Variants in VPS53 observed in about 807,000 individuals in gnomAD.
VPS53 encodes the protein vacuolar protein sorting-associated protein 53 homolog.
A neutral mutation model predicts 107.0 loss-of-function variants in VPS53; 70 were observed. That is an observed-to-expected ratio of 0.65 (90% CI 0.54 to 0.80). The LOEUF (loss-of-function observed/expected upper bound fraction) is 0.80. VPS53 is among the 30% of genes least tolerant of loss of function. The pLI, the probability that VPS53 is intolerant of heterozygous loss-of-function variation, is 0.00. For synonymous variants in VPS53, 409 were observed against 393.3 expected (o/e 1.04, Z -0.47); for missense variants, 917 against 1,049.4 (o/e 0.87, Z 1.74).
Position 513,622 on chromosome 17 carries a change from AAGGAAT to A in VPS53, c.*5500_*5505del. 6.9e-6 allele frequency: 1 copy of A among 144,174 alleles called. No homozygotes were observed. The highest frequency in any genetic ancestry group is 2.6e-5 in the African/African-American group (1 of 39,150). The allele number at this position is 144,174 out of a possible 1,614,324, so 8.9% of individuals were successfully genotyped here. On this transcript the variant is annotated 3_prime_UTR_variant, in exon 22 of 22. Transcript: ENST00000437048. ...GTTGTTCTGAGTGCTCTTCCTAGCG[AAGGAAT>A]CCCATTTCCAGCAGGTTATTCCGAG...
At chr17:538,607 C>A (rs557525274) in intron 17 of VPS53, 1 of 152,026 alleles carries the variant, frequency 6.6e-6, no homozygotes, top group South Asian at 2.1e-4. Flanking sequence ...TTCAAATCAG[C>A]GGATATTTGT....
chr17:686,252 C>T (rs1276127247), intron 4 of VPS53, among the ~76,000 whole-genome samples: 2 of 151,790 alleles, frequency 1.3e-5, no homozygotes, highest in African/African-American at 4.8e-5. Flanking sequence ...CCCAGGAGTT[C>T]AAGGCTAGAG....
intron 18 of VPS53, 132 bp downstream of exon 18, chr17:536,896 G>T: frequency 1.7e-6 from 2 of 1,168,880 alleles, no homozygotes; most frequent in South Asian, 1.6e-5. Flanking sequence ...GACTGTGCAT[G>T]TTGGGGGGGT....
At chr17:673,470 C>A (rs567120451) in intron 4 of VPS53, among the ~76,000 whole-genome samples, 1 of 152,300 alleles carries the variant, frequency 6.6e-6, no homozygotes, top group Non-Finnish European at 1.5e-5. Flanking sequence ...TCTCACACAC[C>A]CAGCCTCAGC....
chr17:655,372 T>C lies in VPS53; in HGVS notation c.488+466A>G, dbSNP rs72477047. The stretch of plus-strand genomic sequence containing the variant: ...TCTCATAGGGTCTCTTCCATGACAG[T>C]GCAACTCAGCCCAACGCAAGCAGGA... On this transcript the variant is annotated intron_variant, in intron 6 of 21. Transcript: ENST00000437048. Among the ~76,000 whole-genome samples the C allele has an allele frequency of 7.2e-3, 1,096 of 152,008 alleles. 18 individuals carry two copies. The highest frequency in any genetic ancestry group is 0.055 in the East Asian group (285 of 5,166).
intron 18 of VPS53, among the ~76,000 whole-genome samples, chr17:536,082 G>A (rs997148612): frequency 6.6e-5 from 10 of 152,170 alleles, no homozygotes; most frequent in African/African-American, 2.2e-4. Flanking sequence ...CTGGTATCAC[G>A]GAAAATGGTG....
chr17:543,392 A>G (rs1366149178), intron 17 of VPS53, among the ~76,000 whole-genome samples: 1 of 152,200 alleles, frequency 6.6e-6, no homozygotes, highest in African/African-American at 2.4e-5. Context: ...ATTATGTGCC[A>G]GACGGTAAGA....
At chr17:688,371 G>A (rs552436558) in intron 4 of VPS53, among the ~76,000 whole-genome samples, 2 of 152,118 alleles carry the variant, frequency 1.3e-5, no homozygotes, top group Non-Finnish European at 2.9e-5. Context: ...CACCATGATT[G>A]TAAGTTTCCT....
At chr17:653,526 G>A (rs561445469) in intron 6 of VPS53, 116 bp from the exon 7 acceptor site, 52 of 1,485,720 alleles carry the variant, frequency 3.5e-5, no homozygotes, top group Admixed American at 1.8e-4. Flanking sequence ...ATCAACGTTC[G>A]CTGAGCACTG....
chr17:601,392 T>C (rs1968317929), intron 12 of VPS53, among the ~76,000 whole-genome samples: 1 of 152,226 alleles, frequency 6.6e-6, no homozygotes, highest in African/African-American at 2.4e-5. Context: ...TTACACTGCA[T>C]GGAGGCCTCT....
chr17:559,543 T>C (rs1597299405), intron 15 of VPS53, among the ~76,000 whole-genome samples: 1 of 152,090 alleles, frequency 6.6e-6, no homozygotes, highest in African/African-American at 2.4e-5. Context: ...CCAGGCAGAG[T>C]GTGCTGCTGC....
Position 614,247 on chromosome 17 carries a change from C to T in VPS53, c.1116+9286G>A, listed in dbSNP as rs374191110. On this transcript the variant is annotated intron_variant, in intron 11 of 21. Transcript: ENST00000437048. ...AACCAACTGAACTGTATACTTTAAA[C>T]GATAAATTTCATGTGACATTTCGTG... Among the ~76,000 whole-genome samples the T allele has an allele frequency of 5.3e-5, 8 of 152,168 alleles. No individual in the cohort carries two copies. In the South Asian group the frequency reaches 8.3e-4, roughly 16 times the overall value.
intron 18 of VPS53, 161 bp downstream of exon 18, chr17:536,867 G>A (rs1910115159): frequency 1.2e-6 from 1 of 811,388 alleles, no homozygotes; most frequent in Non-Finnish European, 1.9e-6. Flanking sequence ...TGTGTGTGGG[G>A]AGGTGTCGGT....
chr17:576,544 C>T (rs1914629286), intron 13 of VPS53, among the ~76,000 whole-genome samples: 1 of 152,008 alleles, frequency 6.6e-6, no homozygotes, highest in South Asian at 2.1e-4. Flanking sequence ...ACAGAACCTC[C>T]TCCAGCACCT....
At chr17:710,094 G>A (rs183565883) in intron 2 of VPS53, among the ~76,000 whole-genome samples, 147 of 152,218 alleles carry the variant, frequency 9.7e-4, no homozygotes, top group Admixed American at 2.6e-3. Context: ...GCAGTGAGCC[G>A]AGACCGCGCC....
intron 11 of VPS53, 37 bp downstream of exon 11, chr17:623,496 C>T: frequency 6.3e-7 from 1 of 1,587,246 alleles, no homozygotes; most frequent in Non-Finnish European, 8.6e-7. Context: ...ACCCAACCCA[C>T]TGATTTCACG....
chr17:610,000 C>T (rs1369248735), intron 11 of VPS53, among the ~76,000 whole-genome samples: 2 of 151,748 alleles, frequency 1.3e-5, no homozygotes, highest in African/African-American at 4.8e-5. Flanking sequence ...GGCGTGGTGG[C>T]GGGCGCCTGT....
chr17:632,153 G>A (rs878973949), intron 7 of VPS53, among the ~76,000 whole-genome samples: 5 of 152,076 alleles, frequency 3.3e-5, no homozygotes, highest in Admixed American at 6.6e-5. Context: ...AGGCTGCGGC[G>A]GGAGGATCTC....
At chr17:633,074 C>A (rs1970028210) in intron 7 of VPS53, among the ~76,000 whole-genome samples, 1 of 152,150 alleles carries the variant, frequency 6.6e-6, no homozygotes, top group African/African-American at 2.4e-5. Context: ...CGTGAGTGTA[C>A]TAGGAGCTCA....
Sources: gnomAD v4.1 joint callset for allele counts (sites outside exome capture counted in the v4.1 genomes callset) on GRCh38, gnomAD v4.1.1 for gene constraint, MANE v1.5 for transcripts, NCBI Gene and HGNC (gene_info 2026-07-23, HGNC 2026-07-21) for gene names.